Variants in SLC24A2 observed in about 807,000 individuals in gnomAD.
SLC24A2 encodes solute carrier family 24 member 2.
SLC24A2 carries 36 observed loss-of-function variants against 62.0 expected under a neutral mutation model. The observed-to-expected ratio is 0.58, with a 90% CI of 0.44 to 0.77. SLC24A2 has a LOEUF of 0.77. SLC24A2 is among the 30% of genes least tolerant of loss of function. SLC24A2 has a pLI of 0.00. For synonymous variants in SLC24A2, 358 were observed against 294.0 expected (o/e 1.22, Z -2.23); for missense variants, 846 against 817.9 (o/e 1.03, Z -0.42).
chr9:19,720,971 G>T (rs1821009888), intron 2 of SLC24A2, among the ~76,000 whole-genome samples: 1 of 151,740 alleles, frequency 6.6e-6, no homozygotes, highest in African/African-American at 2.4e-5. Flanking sequence ...AAAGTATAGT[G>T]CTTGACACAA....
At chr9:19,943,685 A>G in the SLC24A2 span, among the ~76,000 whole-genome samples, 7 of 152,214 alleles carry the variant, frequency 4.6e-5, no homozygotes, top group Non-Finnish European at 1.0e-4. Context: ...GACCCAAGAC[A>G]CAGAATGGTA....
the SLC24A2 span, among the ~76,000 whole-genome samples, chr9:19,873,536 CTCTT>C: frequency 1.5e-3 from 208 of 137,122 alleles, 1 homozygote; most frequent in Admixed American, 3.4e-3. Flanking sequence ...TCCTTTCTTT[CTCTT>C]TCTTTCTTTC....
Position 19,778,421 on chromosome 9 carries a change from T to C in SLC24A2, c.930+7516A>G, listed in dbSNP as rs535316693. 1.8e-4 allele frequency among the ~76,000 whole-genome samples: 28 copies of C among 152,024 alleles called. 1 individual carries two copies. In the South Asian group the frequency reaches 5.4e-3, roughly 29 times the overall value. On this transcript the variant is annotated intron_variant, in intron 2 of 10. Coordinates refer to ENST00000341998, the MANE Select transcript of SLC24A2 (RefSeq NM_020344.4). ...TCAGAGAACTTCTCTATCTGTAAGCTGAGACTCCTGAAGGGTTGACACTTT... is the reference window on the plus strand; with the variant it reads ...TCAGAGAACTTCTCTATCTGTAAGCCGAGACTCCTGAAGGGTTGACACTTT...
At chr9:20,162,646 C>G in the SLC24A2 span, among the ~76,000 whole-genome samples, 1 of 152,108 alleles carries the variant, frequency 6.6e-6, no homozygotes, top group Admixed American at 6.6e-5. Flanking sequence ...CAGCATCATC[C>G]TGATACCAAA....
the SLC24A2 span, among the ~76,000 whole-genome samples, chr9:20,213,643 T>C: frequency 2.0e-5 from 3 of 152,320 alleles, no homozygotes; most frequent in East Asian, 3.9e-4. Flanking sequence ...GCTTTTTAAA[T>C]TGAATAATAC....
At chr9:19,811,585 G>C in the SLC24A2 span, among the ~76,000 whole-genome samples, 56 of 151,902 alleles carry the variant, frequency 3.7e-4, no homozygotes, top group African/African-American at 1.3e-3. Flanking sequence ...GGGATTACAG[G>C]CATCAGCCAC....
the SLC24A2 span, among the ~76,000 whole-genome samples, chr9:19,952,618 A>T: frequency 1.3e-5 from 2 of 148,988 alleles, no homozygotes; most frequent in South Asian, 2.1e-4. Context: ...ATATTATCTC[A>T]TATACATTGT....
chr9:19,864,893 A>G, the SLC24A2 span, among the ~76,000 whole-genome samples: 4 of 152,104 alleles, frequency 2.6e-5, no homozygotes, highest in Admixed American at 2.6e-4. Flanking sequence ...GGAAAACATC[A>G]AATTATCCTT....
chr9:20,035,854 C>G, the SLC24A2 span, among the ~76,000 whole-genome samples: 3 of 152,180 alleles, frequency 2.0e-5, no homozygotes, highest in African/African-American at 7.2e-5. Flanking sequence ...AATTTCATGT[C>G]AAAACCACTG....
At chr9:19,988,433 T>C in the SLC24A2 span, among the ~76,000 whole-genome samples, 1 of 152,156 alleles carries the variant, frequency 6.6e-6, no homozygotes, top group African/African-American at 2.4e-5. Context: ...AACACTTCAA[T>C]ATGGGTCAGA....
chr9:20,186,412 C>T, the SLC24A2 span, among the ~76,000 whole-genome samples: 4 of 152,114 alleles, frequency 2.6e-5, no homozygotes, highest in Non-Finnish European at 5.9e-5. Context: ...CTCCCTGGTA[C>T]GGACTCTCTC....
In SLC24A2 at chr9:19,741,114, G is replaced by C. The variant is rs549906967; in HGVS notation, c.930+44823C>G. On this transcript the variant is annotated intron_variant, in intron 2 of 10. Coordinates refer to ENST00000341998, the MANE Select transcript of SLC24A2 (RefSeq NM_020344.4). ...CCCTTCCTGGGCACTTAAAGGTTTG[G>C]TTTCTGCTGCTGCCATCAGCTAATC... Among the ~76,000 whole-genome samples, 12 of 152,230 alleles carry C rather than the reference G, an allele frequency of 7.9e-5. No homozygotes were observed. The South Asian group carries it at 2.5e-3, about 32-fold the overall frequency.
intron 8 of SLC24A2, among the ~76,000 whole-genome samples, chr9:19,543,986 G>C (rs1033111674): frequency 1.3e-5 from 2 of 152,112 alleles, no homozygotes; most frequent in South Asian, 4.1e-4. Flanking sequence ...GGATATCCTT[G>C]CTAATTTTCT....
the SLC24A2 span, among the ~76,000 whole-genome samples, chr9:19,811,637 T>A: frequency 6.6e-6 from 1 of 152,150 alleles, no homozygotes; most frequent in African/African-American, 2.4e-5. Context: ...CATTTATTTT[T>A]TACCATTTTT....
chr9:19,945,870 T>C, the SLC24A2 span, among the ~76,000 whole-genome samples: 9 of 152,320 alleles, frequency 5.9e-5, no homozygotes, highest in South Asian at 1.0e-3. Flanking sequence ...GGAAACTCCA[T>C]CTTTTCCAAA....
At chr9:19,522,304 G>C (rs1833241286) in intron 9 of SLC24A2, among the ~76,000 whole-genome samples, 2 of 152,132 alleles carry the variant, frequency 1.3e-5, no homozygotes, top group South Asian at 4.1e-4. Context: ...GGCCTCTTGG[G>C]ACTTTTAAAA....
At chr9:19,968,133 C>T in the SLC24A2 span, 1 of 152,084 alleles carries the variant, frequency 6.6e-6, no homozygotes, top group Admixed American at 6.6e-5. Context: ...TGAGTTGATA[C>T]AAATAAAGCA....
At chr9:19,584,102 G>A (rs907583201) in intron 5 of SLC24A2, among the ~76,000 whole-genome samples, 3 of 151,882 alleles carry the variant, frequency 2.0e-5, no homozygotes, top group South Asian at 2.1e-4. Flanking sequence ...CTGGGAGAGG[G>A]ATCTTCCCTC....
chr9:19,716,785 G>A (rs1820873427), intron 2 of SLC24A2, among the ~76,000 whole-genome samples: 1 of 151,788 alleles, frequency 6.6e-6, no homozygotes, highest in African/African-American at 2.4e-5. Flanking sequence ...TTCTTCTGTT[G>A]TTTGCCACAT....
Sources: gnomAD v4.1 joint callset for allele counts (sites outside exome capture counted in the v4.1 genomes callset) on GRCh38, gnomAD v4.1.1 for gene constraint, MANE v1.5 for transcripts, NCBI Gene and HGNC (gene_info 2026-07-23, HGNC 2026-07-21) for gene names.